Variants in CPEB1 observed in about 807,000 individuals in gnomAD.
CPEB1 encodes the protein cytoplasmic polyadenylation element binding protein 1, also known as cytoplasmic polyadenylation element-binding protein 1.
CPEB1 carries 7 observed loss-of-function variants against 65.8 expected under a neutral mutation model. The ratio of observed to expected loss-of-function variants is 0.11; its 90% confidence interval spans 0.06 to 0.20. The LOEUF is 0.20. Among genes scored for constraint, CPEB1 ranks in the 10% least tolerant of loss-of-function variants. CPEB1 has a pLI of 1.00. For synonymous variants in CPEB1, 262 were observed against 260.0 expected (o/e 1.01, Z -0.08); for missense variants, 551 against 712.2 (o/e 0.77, Z 2.58).
chr15:82,544,769 C>T (rs1206770770), intron 12 of CPEB1, 67 bp from the exon 13 acceptor site: 17 of 1,204,382 alleles, frequency 1.4e-5, no homozygotes, highest in South Asian at 7.6e-5. Context: ...AGCTGTTGCA[C>T]GAGCTGCTTG....
intron 2 of CPEB1, chr15:82,628,147 T>C (rs1327426114): frequency 1.9e-5 from 13 of 696,226 alleles, no homozygotes; most frequent in Non-Finnish European, 2.9e-5. Flanking sequence ...CCAGTGACAA[T>C]GCCATCATTG....
chr15:82,593,149 A>G (rs2042396911), intron 3 of CPEB1, among the ~76,000 whole-genome samples: 1 of 152,226 alleles, frequency 6.6e-6, no homozygotes, highest in East Asian at 1.9e-4. Flanking sequence ...TTCTTAAGAC[A>G]ACCATGATGT....
chr15:82,628,499 C>T lies in CPEB1; in HGVS notation c.-40G>A. ...ATCTGGCAAAAGGGTTCCGATTATT[C>T]AAGGCTGCTTTTGACTTCTTTTACA... On this transcript the variant is annotated 5_prime_UTR_variant, in exon 2 of 13. Coordinates refer to ENST00000684509, the MANE Select transcript of CPEB1 (RefSeq NM_001365242.1). 2 of 701,350 alleles carry T rather than the reference C, an allele frequency of 2.9e-6. No individual in the cohort carries two copies. The highest frequency in any genetic ancestry group is 2.0e-5 in the Admixed American group (1 of 49,852). 43.4% of individuals were successfully genotyped at this position (701,350 alleles called of 1,614,324 possible).
At chr15:82,579,871 C>T (rs1213192130) in intron 3 of CPEB1, among the ~76,000 whole-genome samples, 1 of 126,182 alleles carries the variant, frequency 7.9e-6, no homozygotes, top group Non-Finnish European at 1.6e-5. Context: ...GACATTGCGC[C>T]ACTGCAGTCT....
chr15:82,557,227 G>A (rs1240354330), intron 5 of CPEB1, among the ~76,000 whole-genome samples: 1 of 152,140 alleles, frequency 6.6e-6, no homozygotes, highest in African/African-American at 2.4e-5. Context: ...AATTAACTGA[G>A]GCAATGTTTC....
At chr15:82,628,303 A>G (rs1395325947) in intron 2 of CPEB1, 61 bp downstream of exon 2, 1 of 702,276 alleles carries the variant, frequency 1.4e-6, no homozygotes, top group Non-Finnish European at 2.6e-6. Context: ...TATGACAAAA[A>G]AAGGTTGGGA....
chr15:82,631,325 A>AG (rs1286924738), intron 1 of CPEB1, among the ~76,000 whole-genome samples: 1 of 152,190 alleles, frequency 6.6e-6, no homozygotes, highest in African/African-American at 2.4e-5. Context: ...CTCTAGCTTA[A>AG]GATGACATTA....
At chr15:82,558,437 C>T (rs1482224615) in intron 4 of CPEB1, among the ~76,000 whole-genome samples, 1 of 152,164 alleles carries the variant, frequency 6.6e-6, no homozygotes, top group Non-Finnish European at 1.5e-5. Flanking sequence ...AATTTCAGGC[C>T]ACACCCCAGA....
At chr15:82,552,297 T>G (rs1038410241) in intron 9 of CPEB1, among the ~76,000 whole-genome samples, 183 bp downstream of exon 9, 3 of 137,416 alleles carry the variant, frequency 2.2e-5, no homozygotes, top group African/African-American at 3.1e-5. Context: ...TCCCAAAGGT[T>G]GCTTTTTTTT....
At chr15:82,620,555 T>C (rs541411716) in intron 3 of CPEB1, among the ~76,000 whole-genome samples, 1 of 152,268 alleles carries the variant, frequency 6.6e-6, no homozygotes, top group South Asian at 2.1e-4. Flanking sequence ...CCCAACACTT[T>C]CGGAAGCCAA....
chr15:82,626,526 T>C (rs1307719634), intron 3 of CPEB1, among the ~76,000 whole-genome samples: 1 of 152,148 alleles, frequency 6.6e-6, no homozygotes, highest in African/African-American at 2.4e-5. Context: ...GGGTTGCAAC[T>C]CCCACAAAAT....
At chr15:82,598,769 A>C (rs1358466523) in intron 3 of CPEB1, among the ~76,000 whole-genome samples, 1 of 152,198 alleles carries the variant, frequency 6.6e-6, no homozygotes, top group Admixed American at 6.5e-5. Flanking sequence ...TGGGTGACAG[A>C]GCGAGACTCC....
intron 3 of CPEB1, among the ~76,000 whole-genome samples, chr15:82,616,701 C>T (rs758584844): frequency 6.6e-6 from 1 of 152,014 alleles, no homozygotes; most frequent in African/African-American, 2.4e-5. Flanking sequence ...TGGCACCACG[C>T]CTGGCTAATT....
intron 3 of CPEB1, among the ~76,000 whole-genome samples, chr15:82,591,866 A>T (rs1180154185): frequency 6.8e-6 from 1 of 146,066 alleles, no homozygotes; most frequent in Admixed American, 6.8e-5. Context: ...TTTTTAAGAC[A>T]GGGTCTTAAT....
intron 4 of CPEB1, among the ~76,000 whole-genome samples, chr15:82,559,473 T>C (rs2037818632): frequency 6.6e-6 from 1 of 152,224 alleles, no homozygotes; most frequent in South Asian, 2.1e-4. Flanking sequence ...GATGGAACTA[T>C]ATACCATTTT....
intron 1 of CPEB1, among the ~76,000 whole-genome samples, chr15:82,637,512 A>G (rs991782121): frequency 1.3e-5 from 2 of 152,116 alleles, no homozygotes; most frequent in Non-Finnish European, 2.9e-5. Context: ...TTTCCCTAGC[A>G]TCCCCATCAG....
chr15:82,587,664 CA>C (rs995820562), intron 3 of CPEB1, among the ~76,000 whole-genome samples: 1 of 152,086 alleles, frequency 6.6e-6, no homozygotes, highest in African/African-American at 2.4e-5. Flanking sequence ...GTAAACTACT[CA>C]AAAAAATTCA....
intron 3 of CPEB1, among the ~76,000 whole-genome samples, chr15:82,589,110 A>G (rs528534172): frequency 6.6e-6 from 1 of 152,264 alleles, no homozygotes; most frequent in South Asian, 2.1e-4. Flanking sequence ...CCAAGCCAAC[A>G]CACTTCTCAC....
chr15:82,548,343 A>T (rs912101559), intron 10 of CPEB1, among the ~76,000 whole-genome samples: 31 of 152,126 alleles, frequency 2.0e-4, no homozygotes, highest in Non-Finnish European at 3.8e-4. Context: ...CAAAAAAAAA[A>T]TTTTATTTAA....
Sources: gnomAD v4.1 joint callset for allele counts (sites outside exome capture counted in the v4.1 genomes callset) on GRCh38, gnomAD v4.1.1 for gene constraint, MANE v1.5 for transcripts, NCBI Gene and HGNC (gene_info 2026-07-23, HGNC 2026-07-21) for gene names.